RAPGEF1: variants seen among roughly 807,000 people sequenced by gnomAD.
RAPGEF1 encodes the protein CRK SH3-binding GNRP.
Under a neutral mutation model 143.3 loss-of-function variants are expected in RAPGEF1, and 33 were observed. That is an observed-to-expected ratio of 0.23 (90% confidence interval 0.17 to 0.31). The LOEUF (loss-of-function observed/expected upper bound fraction) is 0.31, where lower values mean the gene tolerates loss of function less well. Ranked by LOEUF, RAPGEF1 falls within the 10% of genes least tolerant of loss-of-function variation. RAPGEF1 has a pLI of 1.00. For synonymous variants in RAPGEF1, 629 were observed against 676.5 expected (o/e 0.93, Z 1.09); for missense variants, 1,199 against 1,645.4 (o/e 0.73, Z 4.69).
intron 12 of RAPGEF1, among the ~76,000 whole-genome samples, chr9:131,616,054 G>T (rs566970713): frequency 6.4e-4 from 98 of 152,206 alleles, no homozygotes; most frequent in Admixed American, 3.1e-3. Context: ...ATCACCTGAG[G>T]TCAGGAGTTT....
intron 1 of RAPGEF1, among the ~76,000 whole-genome samples, chr9:131,736,673 C>T (rs80260650): frequency 0.023 from 3,511 of 152,312 alleles, 152 homozygotes; most frequent in African/African-American, 0.08. Context: ...CAGAGCTGCA[C>T]ACTATGCGGG....
intron 1 of RAPGEF1, chr9:131,737,327 C>G (rs1161374276): frequency 6.2e-7 from 1 of 1,608,836 alleles, no homozygotes; most frequent in East Asian, 2.2e-5. Context: ...TATCTCAGCC[C>G]TCTCTTCAGA....
At chr9:131,731,305 A>T (rs1163520380) in intron 1 of RAPGEF1, among the ~76,000 whole-genome samples, 1 of 152,218 alleles carries the variant, frequency 6.6e-6, no homozygotes, top group African/African-American at 2.4e-5. Context: ...TGTATTTATT[A>T]TTGAAAGGAG....
chr9:131,598,657 G>T (rs1302292845), intron 15 of RAPGEF1: 1 of 432,650 alleles, frequency 2.3e-6, no homozygotes, highest in East Asian at 6.6e-5. Flanking sequence ...GGGGCAAGCA[G>T]AATGGGAGAG....
At chr9:131,586,149 T>C (rs1020401929) in intron 22 of RAPGEF1, among the ~76,000 whole-genome samples, 1 of 151,536 alleles carries the variant, frequency 6.6e-6, no homozygotes, top group East Asian at 1.9e-4. Context: ...TGAGCCGAGA[T>C]TGCGCCACTG....
intron 12 of RAPGEF1, among the ~76,000 whole-genome samples, chr9:131,615,853 C>A (rs916121032): frequency 2.0e-5 from 3 of 152,182 alleles, no homozygotes; most frequent in Admixed American, 6.5e-5. Flanking sequence ...CCTTGCTCCG[C>A]CACCCACAAG....
intron 5 of RAPGEF1, among the ~76,000 whole-genome samples, chr9:131,638,122 T>C (rs906921618): frequency 6.6e-6 from 1 of 152,370 alleles, no homozygotes; most frequent in Non-Finnish European, 1.5e-5. Flanking sequence ...GCTTCCCATC[T>C]TAACTAGGAT....
At position 131,739,838 on chromosome 9, in the gene RAPGEF1, G is replaced by C; in HGVS notation, c.-8C>G. On this transcript the variant is annotated 5_prime_UTR_variant, in exon 1 of 27. Coordinates refer to ENST00000683357, the MANE Select transcript of RAPGEF1 (RefSeq NM_001377935.1). ...GCCGAGGCCGCCGCTCATCGGGCCCGGGCCGGGCCGCCGCGGGGCGACAGG... is the reference window on the plus strand; with the variant it reads ...GCCGAGGCCGCCGCTCATCGGGCCCCGGCCGGGCCGCCGCGGGGCGACAGG... The C allele has an allele frequency of 1.9e-6, 2 of 1,032,328 alleles. No homozygotes were observed. Among genetic ancestry groups the C allele is most frequent in the Non-Finnish European group, 2.3e-6 (2 of 864,336 alleles). 63.9% of individuals were successfully genotyped at this position (1,032,328 alleles called of 1,614,324 possible).
At chr9:131,731,195 A>G (rs575403279) in intron 1 of RAPGEF1, among the ~76,000 whole-genome samples, 2 of 152,316 alleles carry the variant, frequency 1.3e-5, no homozygotes, top group East Asian at 3.9e-4. Context: ...CCTTTCTCCT[A>G]TTGTAAGGAT....
At chr9:131,631,659 G>A (rs1170970803) in intron 5 of RAPGEF1, among the ~76,000 whole-genome samples, 1 of 152,262 alleles carries the variant, frequency 6.6e-6, no homozygotes, top group African/African-American at 2.4e-5. Flanking sequence ...ACCAGCGGCT[G>A]CCAAGCCTCT....
At chr9:131,652,743 G>A (rs1019197725) in intron 1 of RAPGEF1, among the ~76,000 whole-genome samples, 13 of 152,122 alleles carry the variant, frequency 8.5e-5, no homozygotes, top group Non-Finnish European at 1.6e-4. Context: ...TCTGCCTGAG[G>A]CTGTTTTACA....
At position 131,619,065 on chromosome 9, in the gene RAPGEF1, A is replaced by T. The variant is rs763746598; in HGVS notation, c.2047T>A (p.Leu683Met). 3 of 1,359,486 alleles carry T rather than the reference A, an allele frequency of 2.2e-6. No individual in the cohort carries two copies. In the Admixed American group the frequency reaches 5.8e-5, roughly 26 times the overall value. 84.2% of individuals were successfully genotyped at this position (1,359,486 alleles called of 1,614,324 possible). A position where few individuals can be genotyped will look rare whatever the true frequency, so the allele number is the denominator to read the frequency against. Reference protein sequence around the residue: ...SNSFLSRHGSLPVPSYKSVFR... With the variant: ...SNSFLSRHGSMPVPSYKSVFR... ...GAGCAACTCACCGAGGGCACGGGCAAGCTGCCGTGCCGGCTGAGAAAGGAG... is the reference window on the plus strand; with the variant it reads ...GAGCAACTCACCGAGGGCACGGGCATGCTGCCGTGCCGGCTGAGAAAGGAG... Residue 683 changes from leucine (L) to methionine (M), a missense_variant, in exon 12 of 27, where the codon TTG (leucine) becomes ATG (methionine). Leu to Met is a conservative substitution (Grantham distance 15). This residue lies in a region of RAPGEF1 where 293 missense variants were observed against 356.2 expected (regional missense o/e 0.82). Coordinates refer to ENST00000683357, the MANE Select transcript of RAPGEF1 (RefSeq NM_001377935.1).
chr9:131,722,193 C>T (rs765794385), intron 1 of RAPGEF1, among the ~76,000 whole-genome samples: 30 of 152,302 alleles, frequency 2.0e-4, no homozygotes, highest in African/African-American at 7.0e-4. Flanking sequence ...GAGACCCTAT[C>T]GTGGCCATCT....
chr9:131,734,398 T>C (rs915480302), intron 1 of RAPGEF1, among the ~76,000 whole-genome samples: 1 of 152,158 alleles, frequency 6.6e-6, no homozygotes, highest in African/African-American at 2.4e-5. Flanking sequence ...CCACAGGAAA[T>C]TGCAGAGATG....
intron 12 of RAPGEF1, among the ~76,000 whole-genome samples, chr9:131,615,393 A>C (rs1034566771): frequency 2.0e-5 from 3 of 152,080 alleles, no homozygotes; most frequent in African/African-American, 7.2e-5. Context: ...TGTTTTTTCC[A>C]ATGCCAACCC....
intron 5 of RAPGEF1, 128 bp from the exon 6 acceptor site, chr9:131,630,452 C>A (rs531441876): frequency 2.6e-5 from 22 of 845,028 alleles, no homozygotes; most frequent in Admixed American, 1.7e-4. Context: ...TCCCCACGCA[C>A]CATAAACGCA....
Position 131,626,262 on chromosome 9 carries a change from A to T in RAPGEF1, c.1362T>A (p.His454Gln). The change falls in exon 10 of 27, where the codon CAT (histidine) becomes CAA (glutamine). Residue 454 changes from histidine to glutamine, a missense_variant. His to Gln is a conservative substitution (Grantham distance 24). This residue lies in a region of RAPGEF1 where 613 missense variants were observed against 710.9 expected (regional missense o/e 0.86). Coordinates refer to ENST00000683357, the MANE Select transcript of RAPGEF1 (RefSeq NM_001377935.1). ...GPPFQLPLGGHPQPDGPLAPG... is the reference protein window; with the variant it reads ...GPPFQLPLGGQPQPDGPLAPG... The stretch of plus-strand genomic sequence containing the variant: ...GGGCCAGAGGTCCGTCTGGCTGGGG[A>T]TGGCCGCCAAGAGGCAGCTGGAAAG... 6.2e-7 allele frequency: 1 copy of T among 1,613,892 alleles called. No homozygotes were observed. Among genetic ancestry groups the T allele is most frequent in the Non-Finnish European group, 8.5e-7 (1 of 1,179,854 alleles).
In RAPGEF1 at chr9:131,605,018, G is replaced by A. The variant is rs761653891; in HGVS notation, c.2232C>T (p.Thr744=). The A allele has an allele frequency of 1.5e-6, 2 of 1,361,316 alleles. No individual in the cohort carries two copies. Among genetic ancestry groups the A allele is most frequent in the Non-Finnish European group, 9.8e-7 (1 of 1,019,736 alleles). 84.3% of individuals were successfully genotyped at this position (1,361,316 alleles called of 1,614,324 possible). A position where few individuals can be genotyped will look rare whatever the true frequency, so the allele number is the denominator to read the frequency against. ...GAGAAGCCGAGAGAGGCCCGTCCAC[G>A]GTGCTGGGAGGTGGACCGGCCATGG... ...VPTMAGPPPS[T]VDGPLSASQE... The change falls in exon 13 of 27, where the codon ACC becomes ACT. Residue 744 remains threonine (T), a synonymous_variant. Transcript: ENST00000683357.
chr9:131,633,441 C>CA (rs1965497106), intron 5 of RAPGEF1, among the ~76,000 whole-genome samples: 1 of 152,176 alleles, frequency 6.6e-6, no homozygotes, highest in Non-Finnish European at 1.5e-5. Flanking sequence ...CTCTTCTTTA[C>CA]AAGCAGGGCA....
Sources: allele counts gnomAD v4.1 joint callset (sites outside exome capture counted in the v4.1 genomes callset), GRCh38; gene constraint gnomAD v4.1.1; regional missense constraint gnomAD v4.1.1; transcripts MANE v1.5; gene names NCBI Gene and HGNC (gene_info 2026-07-23, HGNC 2026-07-21).